GRK6: variants seen among roughly 807,000 people sequenced by gnomAD.
GRK6 encodes G protein-coupled receptor kinase 6.
A neutral mutation model predicts 80.8 loss-of-function variants in GRK6; 37 were observed. That is an observed-to-expected ratio of 0.46 (90% CI 0.35 to 0.60). GRK6 has a LOEUF of 0.60. Ranked by LOEUF, GRK6 falls within the 20% of genes least tolerant of loss-of-function variation. GRK6 has a pLI of 0.00. For missense variants in GRK6, 560 were observed against 784.6 expected, an observed-to-expected ratio of 0.71 and a Z score of 3.42; for synonymous variants, 295 against 320.9, an observed-to-expected ratio of 0.92 and a Z score of 0.86.
At position 177,435,200 on chromosome 5, in the gene GRK6, G is replaced by C. The variant is rs905301220; in HGVS notation, c.1057+79G>C. The C allele has an allele frequency of 4.4e-5, 47 of 1,058,866 alleles. No individual in the cohort carries two copies. In the African/African-American group the frequency reaches 6.3e-4, roughly 14 times the overall value. 65.6% of individuals were successfully genotyped at this position (1,058,866 alleles called of 1,614,324 possible). On this transcript the variant is annotated intron_variant, in intron 11 of 15. Transcript: ENST00000355472. Reference sequence around the variant, plus strand: ...CACCCAGCCACACCCACTTCTGTCTGGGAGTCTTCTCTCAAAAGGGGCCTC... The same window carrying C: ...CACCCAGCCACACCCACTTCTGTCTCGGAGTCTTCTCTCAAAAGGGGCCTC...
rs186782855 is a variant in GRK6 at position 177,429,092 on chromosome 5, A to G, written c.53-1780A>G. On this transcript the variant is annotated intron_variant, in intron 1 of 15. Transcript: ENST00000355472. This position sits in a 1 kb window ranked among gnomAD's most constrained non-coding sequence, Gnocchi z 4.3. ...GTCTCTGGGCTTGGTCATCTTGGGTATACTCTGGGCTTGGTCATCTTGGGT... is the reference window on the plus strand; with the variant it reads ...GTCTCTGGGCTTGGTCATCTTGGGTGTACTCTGGGCTTGGTCATCTTGGGT... Among the ~76,000 whole-genome samples the G allele has an allele frequency of 8.0e-4, 122 of 152,184 alleles. 1 individual carries two copies. Among genetic ancestry groups the G allele is most frequent in the Admixed American group, 2.4e-3 (36 of 15,282 alleles).
At position 177,432,701 on chromosome 5, in the gene GRK6, C is replaced by G. The variant is rs766186674; in HGVS notation, c.340-5C>G. On this transcript the variant is annotated splice_polypyrimidine_tract_variant and splice_region_variant and intron_variant, in intron 4 of 15. Transcript: ENST00000355472. Reference sequence around the variant, plus strand: ...TGCACTGACCTGTCTGGGGCTTGTTCCCAGGGTCCTGACCTCATCCCTGAG... The same window carrying G: ...TGCACTGACCTGTCTGGGGCTTGTTGCCAGGGTCCTGACCTCATCCCTGAG... 3.1e-6 allele frequency: 5 copies of G among 1,587,728 alleles called. No individual in the cohort carries two copies. In the African/African-American group the frequency reaches 6.7e-5, roughly 21 times the overall value.
intron 9 of GRK6, 96 bp from the exon 10 acceptor site, chr5:177,434,806 A>C: frequency 7.1e-7 from 1 of 1,403,370 alleles, no homozygotes; most frequent in African/African-American, 1.4e-5. Flanking sequence ...CTTGCTCCAC[A>C]CCTGGCCCCC....
chr5:177,432,409 T>C, intron 4 of GRK6, 99 bp downstream of exon 4: 1 of 1,170,704 alleles, frequency 8.5e-7, no homozygotes, highest in Non-Finnish European at 1.3e-6. Flanking sequence ...GGTCTCTTCA[T>C]ACAGACACAT....
chr5:177,437,677 A>T (rs954815446), intron 13 of GRK6, among the ~76,000 whole-genome samples: 1 of 152,088 alleles, frequency 6.6e-6, no homozygotes, highest in Non-Finnish European at 1.5e-5. Flanking sequence ...GCTGTGTGCC[A>T]CGATTCTCCA....
At position 177,431,758 on chromosome 5, in the gene GRK6, T is replaced by C. The variant is rs141979508; in HGVS notation, c.149-237T>C. 1.5e-3 allele frequency: 867 copies of C among 576,362 alleles called. 5 individuals carry two copies. The highest frequency in any genetic ancestry group is 6.0e-3 in the Admixed American group (194 of 32,232). The allele number at this position is 576,362 out of a possible 1,614,324, so 35.7% of individuals were successfully genotyped here. ...GGGAGGTGGATGGAGGCCTGGGCTC[T>C]GGAGCCAGACTCCCGGCTGTGTGAC... On this transcript the variant is annotated intron_variant, in intron 2 of 15. Coordinates refer to ENST00000355472, the MANE Select transcript of GRK6 (RefSeq NM_001004106.3).
chr5:177,427,996 G>T (rs1022522595), intron 1 of GRK6, among the ~76,000 whole-genome samples: 2 of 152,238 alleles, frequency 1.3e-5, no homozygotes, highest in Non-Finnish European at 2.9e-5. Flanking sequence ...TCTATAGGAA[G>T]CCCAGAGGAA....
At chr5:177,438,110 G>A (rs1764252007) in intron 13 of GRK6, among the ~76,000 whole-genome samples, 1 of 152,198 alleles carries the variant, frequency 6.6e-6, no homozygotes, top group Non-Finnish European at 1.5e-5. Context: ...GGCTCACGCT[G>A]TAATCCCAGC....
rs535650790 is a variant in GRK6, at chr5:177,436,110, C to T, written c.1095C>T (p.Ser365=). ...EVVKNERYTF[S]PDWWALGCLL... ...TGAAGAATGAACGGTACACGTTCAGCCCTGACTGGTGGGCGCTCGGCTGCC... is the reference window on the plus strand; with the variant it reads ...TGAAGAATGAACGGTACACGTTCAGTCCTGACTGGTGGGCGCTCGGCTGCC... Residue 365 remains serine, a synonymous_variant, in exon 12 of 16, where the codon AGC becomes AGT. Coordinates refer to ENST00000355472, the MANE Select transcript of GRK6 (RefSeq NM_001004106.3). 5.6e-6 allele frequency: 9 copies of T among 1,614,138 alleles called. No individual in the cohort carries two copies. In the East Asian group the frequency reaches 1.8e-4, roughly 32 times the overall value.
chr5:177,427,041 G>T (rs1381905930), intron 1 of GRK6, 144 bp downstream of exon 1: 2 of 393,024 alleles, frequency 5.1e-6, no homozygotes, highest in Non-Finnish European at 8.1e-6. Flanking sequence ...GAGCCTTTCC[G>T]GCCCGTCGTC....
chr5:177,434,117 C>T lies in GRK6; in HGVS notation c.929+13C>T, dbSNP rs769255756. The T allele has an allele frequency of 1.3e-5, 20 of 1,541,670 alleles. No homozygotes were observed. The highest frequency in any genetic ancestry group is 7.5e-5 in the Admixed American group (4 of 53,142). On this transcript the variant is annotated intron_variant, in intron 9 of 15. Coordinates refer to ENST00000355472, the MANE Select transcript of GRK6 (RefSeq NM_001004106.3). ...GCATCGTGTACAGGTGGGGAGGGCT[C>T]GGCCACCCCAGGGGCTTAGTCCTTC...
chr5:177,437,858 GA>G (rs1453816643), intron 13 of GRK6, among the ~76,000 whole-genome samples: 1 of 152,260 alleles, frequency 6.6e-6, no homozygotes, highest in Non-Finnish European at 1.5e-5. Flanking sequence ...GAACACTGGA[GA>G]GGCCCGAAGG....
At position 177,426,889 on chromosome 5, in the gene GRK6, C is replaced by T; in HGVS notation, c.44C>T (p.Ala15Val). 1 of 1,396,360 alleles carries T rather than the reference C, an allele frequency of 7.2e-7. No individual in the cohort carries two copies. The highest frequency in any genetic ancestry group is 9.4e-7 in the Non-Finnish European group (1 of 1,068,552). 86.5% of individuals were successfully genotyped at this position (1,396,360 alleles called of 1,614,324 possible). A position where few individuals can be genotyped will look rare whatever the true frequency, so the allele number is the denominator to read the frequency against. The change falls in exon 1 of 16, where the codon GCC becomes GTC. Residue 15 changes from alanine to valine, a missense_variant. Physicochemically the swap from Ala to Val is moderately conservative, Grantham distance 64 (BLOSUM62 0). Transcript: ENST00000355472. ...GTAGCGAACACGGTGCTACTCAAGG[C>T]CCGGGAAGGTGAGGCGGCCGGGTGG... Reference protein sequence around the residue: ...NIVANTVLLKAREGGGGNRKG... With the variant: ...NIVANTVLLKVREGGGGNRKG...
upstream of GRK6, chr5:177,426,389 C>CG (rs1192533161): frequency 2.0e-5 from 3 of 152,238 alleles, no homozygotes. Flanking sequence ...TCCATTGTCC[C>CG]GGCTGAGGGC....
intron 13 of GRK6, chr5:177,438,604 T>A (rs1764290158): frequency 1.3e-5 from 2 of 152,236 alleles, no homozygotes. Context: ...CGAGGACACC[T>A]GTGTGGCTGA....
intron 7 of GRK6, 60 bp downstream of exon 7, chr5:177,433,470 A>G (rs1764002037): frequency 3.1e-6 from 5 of 1,611,294 alleles, no homozygotes; most frequent in Non-Finnish European, 4.2e-6. Context: ...TGGGACCTGG[A>G]CCACCCCCTG....
In GRK6 at chr5:177,432,779, G is replaced by T. The variant is rs751784930; in HGVS notation, c.413G>T (p.Cys138Phe). Residue 138 changes from cysteine (C) to phenylalanine (F), a missense_variant, in exon 5 of 16, where the codon TGC becomes TTC. Around this residue, in one of 3 missense-constraint regions of GRK6, gnomAD observed 189 missense variants for 230.2 expected, o/e 0.82. Coordinates refer to ENST00000355472, the MANE Select transcript of GRK6 (RefSeq NM_001004106.3). ...ACCCAGCGGCTGGAGCAGGGTCCCT[G>T]CAAAGACCTTTTCCAGGAACTCACC... ...NCTQRLEQGP[C>F]KDLFQELTRL... 2.6e-5 allele frequency: 42 copies of T among 1,612,194 alleles called. No individual in the cohort carries two copies. The highest frequency in any genetic ancestry group is 8.3e-5 in the Admixed American group (5 of 59,900).
At chr5:177,427,128 G>T (rs1763704869) in intron 1 of GRK6, among the ~76,000 whole-genome samples, 1 of 152,156 alleles carries the variant, frequency 6.6e-6, no homozygotes, top group African/African-American at 2.4e-5. Flanking sequence ...CGCGGCGGGT[G>T]GGGGTGAAGG....
rs199662008 is a variant in GRK6, at chr5:177,436,445, G to A, written c.1319G>A (p.Arg440His). ...CTGGGGTGTCGTGGGGGCAGTGCCC[G>A]CGAGGTGAAGGAGCACCCCCTCTTT... The part of the protein sequence containing the change: ...ERLGCRGGSA[R>H]EVKEHPLFKK... Residue 440 changes from arginine (R) to histidine (H), a missense_variant, in exon 13 of 16, where the codon CGC becomes CAC. Physicochemically the swap from Arg to His is conservative, Grantham distance 29 (BLOSUM62 0). Around this residue, in one of 3 missense-constraint regions of GRK6, gnomAD observed 294 missense variants for 397.4 expected, o/e 0.74. Transcript: ENST00000355472. 33 of 1,598,098 alleles carry A rather than the reference G, an allele frequency of 2.1e-5. 1 individual carries two copies. Among genetic ancestry groups the A allele is most frequent in the East Asian group, 1.6e-4 (7 of 43,744 alleles).
Sources: allele counts gnomAD v4.1 joint callset (sites outside exome capture counted in the v4.1 genomes callset), GRCh38; gene constraint gnomAD v4.1.1; regional missense constraint gnomAD v4.1.1; non-coding constraint Gnocchi (gnomAD v3.1); transcripts MANE v1.5; gene names NCBI Gene and HGNC (gene_info 2026-07-23, HGNC 2026-07-21).